MECOM: variants seen among roughly 807,000 people sequenced by gnomAD.
MECOM encodes the protein MDS1 and EVI1 complex locus.
MECOM carries 13 observed loss-of-function variants against 116.3 expected under a neutral mutation model. The observed-to-expected ratio is 0.11, with a 90% CI of 0.07 to 0.18. MECOM has a LOEUF of 0.18. Among genes scored for constraint, MECOM ranks in the 10% least tolerant of loss-of-function variants. The pLI, the probability that MECOM is intolerant of heterozygous loss-of-function variation, is 1.00. For missense variants in MECOM, 1,299 were observed against 1,509.0 expected (o/e 0.86, Z 2.31); for synonymous variants, 528 against 535.2 (o/e 0.99, Z 0.19).
At chr3:169,333,140 T>C (rs1723026677) in intron 2 of MECOM, among the ~76,000 whole-genome samples, 3 of 152,160 alleles carry the variant, frequency 2.0e-5, no homozygotes, top group Admixed American at 6.6e-5. Context: ...CTACAAATTA[T>C]ACATGTTTAT....
chr3:169,602,114 C>A (rs1254990581), intron 1 of MECOM, among the ~76,000 whole-genome samples: 1 of 152,160 alleles, frequency 6.6e-6, no homozygotes, highest in Admixed American at 6.5e-5. Context: ...CAACTTCAAA[C>A]TCAGAACATT....
Position 169,543,024 on chromosome 3 carries a change from T to C in MECOM, c.37+120312A>G, listed in dbSNP as rs1014442461. Among the ~76,000 whole-genome samples the C allele has an allele frequency of 2.0e-5, 3 of 152,220 alleles. No homozygotes were observed. In the East Asian group the frequency reaches 5.8e-4, roughly 29 times the overall value. The stretch of plus-strand genomic sequence containing the variant: ...CAACATGGGATATTTGAAATTGGGA[T>C]CATTCTCAACCATAGTTCAACTTGA... On this transcript the variant is annotated intron_variant, in intron 1 of 16. Transcript: ENST00000651503.
At chr3:169,375,678 C>T (rs1730896426) in intron 2 of MECOM, among the ~76,000 whole-genome samples, 1 of 152,018 alleles carries the variant, frequency 6.6e-6, no homozygotes, top group African/African-American at 2.4e-5. Flanking sequence ...GAAATTGAGG[C>T]AGTAATTAAT....
intron 1 of MECOM, among the ~76,000 whole-genome samples, chr3:169,562,139 C>CAAAAAAAAAAAAAAAAAAAAAAGAAA (rs1762708698): frequency 4.0e-5 from 1 of 25,282 alleles, no homozygotes; most frequent in African/African-American, 1.4e-4. Context: ...GAGCAATACT[C>CAAAAAAAAAAAAAAAAAAAAAAGAAA]AAAAAAAAAA....
chr3:169,200,237 G>C (rs577427833), intron 2 of MECOM, among the ~76,000 whole-genome samples: 1 of 152,136 alleles, frequency 6.6e-6, no homozygotes, highest in East Asian at 1.9e-4. Context: ...TAATTGACTA[G>C]GTTCGACTTT....
chr3:169,491,892 T>C (rs1187398052), intron 1 of MECOM, among the ~76,000 whole-genome samples: 6 of 152,246 alleles, frequency 3.9e-5, no homozygotes, highest in Admixed American at 3.3e-4. Flanking sequence ...GTTGTTTCTT[T>C]TCCTGGTTCA....
intron 1 of MECOM, among the ~76,000 whole-genome samples, chr3:169,464,931 G>T (rs1748041732): frequency 6.6e-6 from 1 of 151,852 alleles, no homozygotes; most frequent in Admixed American, 6.6e-5. Flanking sequence ...ACTGTGTCAG[G>T]CTCCAAATAT....
At chr3:169,345,387 T>G (rs1193492170) in intron 2 of MECOM, among the ~76,000 whole-genome samples, 2 of 152,106 alleles carry the variant, frequency 1.3e-5, no homozygotes, top group Non-Finnish European at 2.9e-5. Context: ...TGACCCAAGT[T>G]TTTCCCATTT....
At position 169,131,430 on chromosome 3, in the gene MECOM, G is replaced by A. The variant is rs1354818504; in HGVS notation, c.612C>T (p.His204=). The change falls in exon 4 of 17, where the codon CAC becomes CAT. Residue 204 remains histidine (H), a splice_region_variant and synonymous_variant. Transcript: ENST00000651503. ...YPHETMAPDI[H]EERQYRCEDC... The stretch of plus-strand genomic sequence containing the variant: ...GAGGGTGGCGTGAGTGGTACTAACC[G>A]TGGATATCCGGCGCCATAGTTTCAT... The A allele has an allele frequency of 1.2e-6, 2 of 1,613,500 alleles. No homozygotes were observed. Among genetic ancestry groups the A allele is most frequent in the South Asian group, 1.1e-5 (1 of 91,068 alleles).
intron 2 of MECOM, among the ~76,000 whole-genome samples, chr3:169,214,077 T>C (rs749948497): frequency 2.6e-5 from 4 of 152,152 alleles, no homozygotes; most frequent in Non-Finnish European, 4.4e-5. Flanking sequence ...CAAAGCTTTC[T>C]TGAGTGTCTA....
At chr3:169,129,851 T>C (rs1393964794) in intron 4 of MECOM, among the ~76,000 whole-genome samples, 1 of 152,164 alleles carries the variant, frequency 6.6e-6, no homozygotes, top group Non-Finnish European at 1.5e-5. Context: ...TTTCCCTATA[T>C]GTAAAATGGA....
intron 2 of MECOM, among the ~76,000 whole-genome samples, chr3:169,323,112 A>T (rs1046720220): frequency 2.0e-5 from 3 of 151,248 alleles, no homozygotes; most frequent in Non-Finnish European, 2.9e-5. Flanking sequence ...ATATCCTGGG[A>T]CCAATCTGTT....
chr3:169,373,619 T>C (rs537757280), intron 2 of MECOM, among the ~76,000 whole-genome samples: 1 of 152,122 alleles, frequency 6.6e-6, no homozygotes, highest in African/African-American at 2.4e-5. Flanking sequence ...CATGAGATAT[T>C]TTGATAGAAG....
intron 2 of MECOM, among the ~76,000 whole-genome samples, chr3:169,148,598 A>G (rs963040853): frequency 2.6e-5 from 4 of 152,164 alleles, no homozygotes; most frequent in African/African-American, 7.2e-5. Context: ...AAAGTTAAGC[A>G]AAGTAAGCGA....
At chr3:169,440,994 G>A (rs1743559731) in intron 1 of MECOM, among the ~76,000 whole-genome samples, 1 of 152,216 alleles carries the variant, frequency 6.6e-6, no homozygotes, top group Non-Finnish European at 1.5e-5. Flanking sequence ...TACCTTAGGT[G>A]CACAATTAAT....
intron 12 of MECOM, among the ~76,000 whole-genome samples, chr3:169,095,660 A>T (rs1170442293): frequency 1.3e-5 from 2 of 152,206 alleles, no homozygotes; most frequent in African/African-American, 4.8e-5. Context: ...TCAAAATTTC[A>T]GTCTGATTAA....
At chr3:169,660,795 C>CA (rs1205415465) in intron 1 of MECOM, among the ~76,000 whole-genome samples, 9 of 152,142 alleles carry the variant, frequency 5.9e-5, no homozygotes, top group Non-Finnish European at 1.0e-4. Context: ...CTTTAAAATA[C>CA]AAAAATCTGT....
intron 1 of MECOM, among the ~76,000 whole-genome samples, chr3:169,615,316 T>TA (rs1769865136): frequency 6.6e-6 from 1 of 152,232 alleles, no homozygotes; most frequent in Non-Finnish European, 1.5e-5. Flanking sequence ...AGACAGTGCT[T>TA]ACACAGAAAT....
At chr3:169,341,840 G>A (rs1385498976) in intron 2 of MECOM, among the ~76,000 whole-genome samples, 1 of 151,886 alleles carries the variant, frequency 6.6e-6, no homozygotes, top group African/African-American at 2.4e-5. Context: ...AAATAAAAGA[G>A]TGTAATTGGA....
Sources: gnomAD v4.1 joint callset for allele counts (sites outside exome capture counted in the v4.1 genomes callset) on GRCh38, gnomAD v4.1.1 for gene constraint, MANE v1.5 for transcripts, NCBI Gene and HGNC (gene_info 2026-07-23, HGNC 2026-07-21) for gene names.